Variants in SNTG1 observed in about 807,000 individuals in gnomAD.
The protein encoded by SNTG1 is syntrophin gamma 1, also known as gamma-1-syntrophin.
In SNTG1, 39 loss-of-function variants were observed where a neutral mutation model predicts 74.7. The ratio of observed to expected loss-of-function variants is 0.52; its 90% CI spans 0.40 to 0.68. The LOEUF (loss-of-function observed/expected upper bound fraction) is 0.68, where lower values mean the gene tolerates loss of function less well. SNTG1 is among the 30% of genes least tolerant of loss of function. The pLI is 0.00. For missense variants in SNTG1, 685 were observed against 609.5 expected, an observed-to-expected ratio of 1.12 and a Z score of -1.30; for synonymous variants, 254 against 217.1, an observed-to-expected ratio of 1.17 and a Z score of -1.49.
chr8:50,650,639 A>G (rs950326261), intron 13 of SNTG1, among the ~76,000 whole-genome samples: 1 of 152,126 alleles, frequency 6.6e-6, no homozygotes, highest in African/African-American at 2.4e-5. Context: ...TATATTTAAA[A>G]CAAATTTCTT....
intron 2 of SNTG1, among the ~76,000 whole-genome samples, chr8:50,258,982 G>C (rs1475481245): frequency 1.3e-5 from 2 of 151,964 alleles, no homozygotes; most frequent in Admixed American, 6.6e-5. Flanking sequence ...AATGAAAAGA[G>C]ACCTAAATCT....
At chr8:50,453,577 G>A (rs767802733) in intron 8 of SNTG1, among the ~76,000 whole-genome samples, 2 of 152,032 alleles carry the variant, frequency 1.3e-5, no homozygotes, top group Non-Finnish European at 2.9e-5. Context: ...TAAGGTGAAC[G>A]GAATGAACTA....
intron 2 of SNTG1, among the ~76,000 whole-genome samples, chr8:50,207,018 T>TA (rs1199567484): frequency 6.6e-6 from 1 of 152,212 alleles, no homozygotes; most frequent in Non-Finnish European, 1.5e-5. Flanking sequence ...GATATTGGTC[T>TA]AAAATTGTCT....
intron 2 of SNTG1, among the ~76,000 whole-genome samples, chr8:50,301,344 A>G (rs551024557): frequency 2.6e-5 from 4 of 152,228 alleles, no homozygotes; most frequent in East Asian, 1.9e-4. Flanking sequence ...CAGCTCATAT[A>G]TACTATAACC....
chr8:50,717,997 G>A (rs2095478949), intron 17 of SNTG1, among the ~76,000 whole-genome samples: 1 of 152,224 alleles, frequency 6.6e-6, no homozygotes, highest in Non-Finnish European at 1.5e-5. Flanking sequence ...AGTCCTTAGG[G>A]TTTGTGCTTT....
chr8:50,514,732 G>A (rs1430061156), intron 9 of SNTG1, among the ~76,000 whole-genome samples: 1 of 152,246 alleles, frequency 6.6e-6, no homozygotes, highest in East Asian at 1.9e-4. Context: ...CTGTATATGT[G>A]TTAAGCCAAA....
rs565561398 is a variant in SNTG1 at position 49,980,521 on chromosome 8, C to CAAAAA, written c.-103+68316_-103+68320dup. ...ACATCCCTTCCTGTAGACTCCTTCG[C>CAAAAA]AAAAAAAAAAAAAAAAAAAAAAAAA... On this transcript the variant is annotated intron_variant, in intron 1 of 18. Transcript: ENST00000642720. 3.5e-4 allele frequency among the ~76,000 whole-genome samples: 19 copies of CAAAAA among 53,830 alleles called. 1 individual carries two copies. Among genetic ancestry groups the CAAAAA allele is most frequent in the South Asian group, 1.3e-3 (1 of 770 alleles). 35.3% of individuals were successfully genotyped at this position (53,830 alleles called of 152,430 possible). A position where few individuals can be genotyped will look rare whatever the true frequency, so the allele number is the denominator to read the frequency against.
chr8:50,740,669 A>T (rs550779135), intron 17 of SNTG1, among the ~76,000 whole-genome samples: 1 of 152,138 alleles, frequency 6.6e-6, no homozygotes, highest in South Asian at 2.1e-4. Flanking sequence ...AGATTGTTCT[A>T]TCATAAAGAG....
intron 2 of SNTG1, among the ~76,000 whole-genome samples, chr8:50,333,609 G>A (rs2091040248): frequency 6.6e-6 from 1 of 152,286 alleles, no homozygotes. Context: ...CATTTCTTAT[G>A]GAAGAGGAAC....
intron 2 of SNTG1, among the ~76,000 whole-genome samples, chr8:50,216,226 AC>A (rs1464821827): frequency 6.6e-6 from 1 of 152,144 alleles, no homozygotes; most frequent in Non-Finnish European, 1.5e-5. Flanking sequence ...TTTGTAAATG[AC>A]CTTTTTACAT....
chr8:50,748,887 C>T (rs2095561026), intron 17 of SNTG1, among the ~76,000 whole-genome samples: 1 of 152,000 alleles, frequency 6.6e-6, no homozygotes. Flanking sequence ...TTAGGCCTCC[C>T]TATTCCCACA....
At chr8:50,431,188 A>G (rs906400765) in intron 4 of SNTG1, among the ~76,000 whole-genome samples, 2 of 152,186 alleles carry the variant, frequency 1.3e-5, no homozygotes, top group African/African-American at 2.4e-5. Flanking sequence ...CTAAAGTTCT[A>G]TGGGCTTTGA....
At chr8:50,186,395 A>G (rs900644787) in intron 2 of SNTG1, among the ~76,000 whole-genome samples, 2 of 152,100 alleles carry the variant, frequency 1.3e-5, no homozygotes, top group Admixed American at 1.3e-4. Context: ...GTCAAAGGGT[A>G]TTTCTTATTC....
intron 15 of SNTG1, among the ~76,000 whole-genome samples, chr8:50,703,771 C>T (rs1317822809): frequency 2.6e-5 from 4 of 152,090 alleles, no homozygotes; most frequent in Non-Finnish European, 5.9e-5. Flanking sequence ...TGCTCTATGA[C>T]ATTACAACGG....
chr8:50,214,559 T>C (rs973871227), intron 2 of SNTG1, among the ~76,000 whole-genome samples: 1 of 152,102 alleles, frequency 6.6e-6, no homozygotes, highest in African/African-American at 2.4e-5. Flanking sequence ...TGTTTGAATT[T>C]TCTATGTACT....
chr8:50,695,790 A>G (rs1329443625), intron 15 of SNTG1, among the ~76,000 whole-genome samples: 2 of 151,650 alleles, frequency 1.3e-5, no homozygotes, highest in South Asian at 2.1e-4. Context: ...TATTGCTGCA[A>G]AAGACATAAT....
At chr8:50,714,988 G>A (rs1013355598) in intron 17 of SNTG1, among the ~76,000 whole-genome samples, 4 of 151,998 alleles carry the variant, frequency 2.6e-5, no homozygotes, top group Non-Finnish European at 5.9e-5. Flanking sequence ...CTTGTTATGG[G>A]CACCTCCATT....
intron 4 of SNTG1, among the ~76,000 whole-genome samples, chr8:50,418,839 A>T (rs1363473622): frequency 6.6e-6 from 1 of 152,094 alleles, no homozygotes; most frequent in East Asian, 1.9e-4. Flanking sequence ...GGAATCTCTC[A>T]TTACTCTACT....
intron 18 of SNTG1, among the ~76,000 whole-genome samples, chr8:50,776,624 G>T (rs2095641662): frequency 6.6e-6 from 1 of 150,868 alleles, no homozygotes; most frequent in African/African-American, 2.4e-5. Context: ...CAATACCCAA[G>T]TATAAGTTAG....
Sources: gnomAD v4.1 joint callset for allele counts (sites outside exome capture counted in the v4.1 genomes callset) on GRCh38, gnomAD v4.1.1 for gene constraint, MANE v1.5 for transcripts, NCBI Gene and HGNC (gene_info 2026-07-23, HGNC 2026-07-21) for gene names.